The following AGPAT2 variants were observed in gnomAD, a reference collection of about 807,000 sequenced individuals.
AGPAT2 encodes 1-acyl-sn-glycerol-3-phosphate acyltransferase beta.
AGPAT2 carries 18 observed loss-of-function variants against 26.1 expected under a neutral mutation model. The observed-to-expected ratio is 0.69, with a 90% CI of 0.48 to 1.02. The LOEUF is 1.02. Among genes scored for constraint, AGPAT2 ranks in the 50% least tolerant of loss-of-function variants. AGPAT2 has a pLI of 0.00. For synonymous variants in AGPAT2, 200 were observed against 174.2 expected (o/e 1.15, Z -1.16); for missense variants, 415 against 394.9 (o/e 1.05, Z -0.43).
chr9:136,674,273 C>A (rs1268813237), intron 5 of AGPAT2, among the ~76,000 whole-genome samples: 1 of 152,230 alleles, frequency 6.6e-6, no homozygotes, highest in African/African-American at 2.4e-5. Context: ...GCTGGGTTCC[C>A]CCACTGCTCT....
intron 1 of AGPAT2, among the ~76,000 whole-genome samples, chr9:136,680,556 C>G (rs563457103): frequency 1.3e-5 from 2 of 152,210 alleles, no homozygotes; most frequent in East Asian, 3.9e-4. Context: ...ACAACTGCAT[C>G]TTGGTGATGT....
At chr9:136,674,710 C>G in intron 5 of AGPAT2, 25 bp downstream of exon 5, 1 of 1,423,140 alleles carries the variant, frequency 7.0e-7, no homozygotes, top group South Asian at 1.6e-5. Context: ...GGGCCTACAC[C>G]CCGGGTGCAC....
chr9:136,677,439 G>A lies in AGPAT2; in HGVS notation c.300C>T (p.Ser100=), dbSNP rs535413331. ...CCGGCCTACCCATCATGTCCAGGAT[G>A]CTCTGGTGGTTGGAGACGATGACAC... is the stretch of plus-strand genomic sequence containing the variant. ...RPCVIVSNHQ[S]ILDMMGLMEV... Residue 100 remains serine, a synonymous_variant, in exon 2 of 6, where the codon AGC becomes AGT. Transcript: ENST00000371696. The A allele has an allele frequency of 2.2e-5, 35 of 1,613,240 alleles. 1 individual carries two copies. The South Asian group carries it at 2.2e-4, about 10-fold the overall frequency.
At chr9:136,679,205 G>A (rs4880120) in intron 1 of AGPAT2, among the ~76,000 whole-genome samples, 1,960 of 152,280 alleles carry the variant, frequency 0.013, 15 homozygotes, top group Non-Finnish European at 0.019. Context: ...TCTGGCTGAC[G>A]TCTGTTCCCA....
At chr9:136,683,420 A>C (rs992404360) in intron 1 of AGPAT2, among the ~76,000 whole-genome samples, 4 of 152,134 alleles carry the variant, frequency 2.6e-5, no homozygotes, top group African/African-American at 9.7e-5. Context: ...CAGGAGACCC[A>C]GCAGCTCTCT....
intron 1 of AGPAT2, among the ~76,000 whole-genome samples, chr9:136,679,792 A>G (rs1028823039): frequency 6.6e-6 from 1 of 152,222 alleles, no homozygotes; most frequent in South Asian, 2.1e-4. Flanking sequence ...TGTTGGGAAC[A>G]GGCCCAGCGG....
At chr9:136,683,962 C>T (rs978975316) in intron 1 of AGPAT2, among the ~76,000 whole-genome samples, 1 of 152,216 alleles carries the variant, frequency 6.6e-6, no homozygotes, top group Non-Finnish European at 1.5e-5. Context: ...CCACACTGGG[C>T]GTGTGGTGTG....
chr9:136,684,888 T>TCCTTC (rs1316460311), intron 1 of AGPAT2, among the ~76,000 whole-genome samples: 1 of 152,150 alleles, frequency 6.6e-6, no homozygotes, highest in Non-Finnish European at 1.5e-5. Context: ...GAGTATCCCC[T>TCCTTC]CCTTCCCTTC....
At chr9:136,687,083 G>A in intron 1 of AGPAT2, 93 bp downstream of exon 1, 1 of 1,391,872 alleles carries the variant, frequency 7.2e-7, no homozygotes. Context: ...GGCGGGACGG[G>A]CGGGGCAGGA....
intron 1 of AGPAT2, among the ~76,000 whole-genome samples, chr9:136,680,051 C>T (rs535662787): frequency 1.5e-4 from 23 of 152,198 alleles, no homozygotes; most frequent in East Asian, 3.9e-4. Flanking sequence ...AGCTGGGGCG[C>T]GGGGAAAGAA....
chr9:136,682,467 A>G (rs530549828), intron 1 of AGPAT2, among the ~76,000 whole-genome samples: 1 of 152,356 alleles, frequency 6.6e-6, no homozygotes, highest in East Asian at 1.9e-4. Context: ...ACCAGGACAC[A>G]GTCACACGGA....
chr9:136,674,890 G>A, intron 4 of AGPAT2, 83 bp from the exon 5 acceptor site: 2 of 1,038,342 alleles, frequency 1.9e-6, no homozygotes, highest in South Asian at 2.3e-5. Context: ...GGGGAGCCCT[G>A]TCCTGCGGCC....
chr9:136,683,754 G>C (rs1294076107), intron 1 of AGPAT2, among the ~76,000 whole-genome samples: 1 of 152,214 alleles, frequency 6.6e-6, no homozygotes, highest in African/African-American at 2.4e-5. Context: ...TTCTGGGCCT[G>C]CACAGAGACA....
At chr9:136,677,379 G>T in intron 2 of AGPAT2, 44 bp downstream of exon 2, 1 of 1,612,362 alleles carries the variant, frequency 6.2e-7, no homozygotes, top group South Asian at 1.1e-5. Flanking sequence ...CAGCTCAGCC[G>T]GCCCCACTCA....
In AGPAT2 at chr9:136,677,089, C is replaced by G. The variant is rs1443022263; in HGVS notation, c.364G>C (p.Glu122Gln). The G allele has an allele frequency of 8.7e-6, 14 of 1,613,104 alleles. No homozygotes were observed. The highest frequency in any genetic ancestry group is 8.5e-6 in the Non-Finnish European group (10 of 1,180,002). The part of the protein sequence containing the change: ...PERCVQIAKR[E>Q]LLFLGPVGLI... ...CCCACGGGCCCCAGGAAGAGCAGCT[C>G]CCGCTTGGCGATCTGCACGCAGCGC... Residue 122 changes from glutamate (E) to glutamine (Q), a missense_variant, in exon 3 of 6, where the codon GAG becomes CAG. By Grantham distance (29) the Glu-to-Gln change is conservative (BLOSUM62 2). Transcript: ENST00000371696.
intron 1 of AGPAT2, among the ~76,000 whole-genome samples, chr9:136,681,550 C>A (rs138648716): frequency 9.1e-4 from 139 of 152,330 alleles, no homozygotes; most frequent in African/African-American, 3.2e-3. Flanking sequence ...GCCTGTAATC[C>A]CAGGACTTTG....
intron 1 of AGPAT2, 54 bp from the exon 2 acceptor site, chr9:136,677,610 G>A (rs1360594959): frequency 6.2e-7 from 1 of 1,609,568 alleles, no homozygotes; most frequent in African/African-American, 1.3e-5. Flanking sequence ...AGCCGAGGCT[G>A]GGGCGCGAAG....
intron 1 of AGPAT2, among the ~76,000 whole-genome samples, chr9:136,678,851 C>T (rs1846125464): frequency 6.8e-6 from 1 of 148,096 alleles, no homozygotes; most frequent in Non-Finnish European, 1.5e-5. Context: ...GCCTCCACCT[C>T]CTGGGCTCCT....
intron 1 of AGPAT2, among the ~76,000 whole-genome samples, chr9:136,678,969 GTC>G (rs773867449): frequency 2.0e-5 from 3 of 152,126 alleles, no homozygotes; most frequent in Non-Finnish European, 2.9e-5. Flanking sequence ...GGCCAGGCTG[GTC>G]TCGAACTCCT....
Sources: gnomAD v4.1 joint callset for allele counts (sites outside exome capture counted in the v4.1 genomes callset) on GRCh38, gnomAD v4.1.1 for gene constraint, MANE v1.5 for transcripts, NCBI Gene and HGNC (gene_info 2026-07-23, HGNC 2026-07-21) for gene names.